Variants in MITF observed in about 807,000 individuals in gnomAD.
MITF encodes the protein microphthalmia-associated transcription factor.
MITF carries 17 observed loss-of-function variants against 60.5 expected under a neutral mutation model. The ratio of observed to expected loss-of-function variants is 0.28; its 90% CI spans 0.19 to 0.42. The LOEUF (loss-of-function observed/expected upper bound fraction) is 0.42. Among genes scored for constraint, MITF ranks in the 10% least tolerant of loss-of-function variants. The pLI is 1.00. For synonymous variants in MITF, 260 were observed against 248.5 expected, an observed-to-expected ratio of 1.05 and a Z score of -0.43; for missense variants, 622 against 683.5, an observed-to-expected ratio of 0.91 and a Z score of 1.00.
chr3:69,751,351 A>G (rs1050458082), intron 1 of MITF, among the ~76,000 whole-genome samples: 1 of 152,142 alleles, frequency 6.6e-6, no homozygotes, highest in South Asian at 2.1e-4. Flanking sequence ...ACAAATGAGG[A>G]TGTCCTGACA....
At chr3:69,812,873 C>T (rs2063122396) in intron 1 of MITF, among the ~76,000 whole-genome samples, 1 of 152,084 alleles carries the variant, frequency 6.6e-6, no homozygotes, top group Non-Finnish European at 1.5e-5. Context: ...GAAAGGTTTA[C>T]AATTGGAAAG....
chr3:69,748,756 A>G (rs1703822921), intron 1 of MITF, among the ~76,000 whole-genome samples: 1 of 152,106 alleles, frequency 6.6e-6, no homozygotes, highest in African/African-American at 2.4e-5. Context: ...ACACACATTC[A>G]TCAGTTTTCC....
chr3:69,935,431 T>C (rs908299446), intron 2 of MITF, among the ~76,000 whole-genome samples: 9 of 152,212 alleles, frequency 5.9e-5, no homozygotes, highest in Admixed American at 5.9e-4. Flanking sequence ...TTAAGTGTAA[T>C]AGTGAAATAA....
At chr3:69,855,963 T>G (rs1346723559) in intron 1 of MITF, among the ~76,000 whole-genome samples, 1 of 152,184 alleles carries the variant, frequency 6.6e-6, no homozygotes, top group African/African-American at 2.4e-5. Context: ...TCAGTCCTAC[T>G]TGGCCAGCTT....
chr3:69,916,888 G>A (rs1307093036), intron 2 of MITF, among the ~76,000 whole-genome samples: 13 of 152,150 alleles, frequency 8.5e-5, no homozygotes, highest in Admixed American at 8.5e-4. Flanking sequence ...ACACATCATG[G>A]TGTATTAGTT....
chr3:69,867,692 TCTAA>T (rs1407877866), intron 1 of MITF, among the ~76,000 whole-genome samples: 3 of 150,570 alleles, frequency 2.0e-5, no homozygotes, highest in Non-Finnish European at 4.4e-5. Flanking sequence ...AAAAATATAC[TCTAA>T]CTTACTAATT....
chr3:69,849,927 C>G (rs952196377), intron 1 of MITF, among the ~76,000 whole-genome samples: 2 of 152,154 alleles, frequency 1.3e-5, no homozygotes, highest in Admixed American at 1.3e-4. Flanking sequence ...TTATCTTAAT[C>G]AAAACTCCAT....
chr3:69,920,245 G>A (rs1384662014), intron 2 of MITF, among the ~76,000 whole-genome samples: 2 of 152,222 alleles, frequency 1.3e-5, no homozygotes, highest in South Asian at 2.1e-4. Context: ...AGGCGGACCC[G>A]TGGTCTAGCG....
At chr3:69,886,655 A>G (rs1193459537) in intron 2 of MITF, among the ~76,000 whole-genome samples, 1 of 152,106 alleles carries the variant, frequency 6.6e-6, no homozygotes. Context: ...TTGAATTAGT[A>G]AGGGGCTTCC....
At chr3:69,954,098 T>A (rs1576041810) in intron 7 of MITF, among the ~76,000 whole-genome samples, 1 of 152,122 alleles carries the variant, frequency 6.6e-6, no homozygotes, top group East Asian at 1.9e-4. Flanking sequence ...TTCTAATAAA[T>A]GATTGGAAAG....
intron 2 of MITF, among the ~76,000 whole-genome samples, chr3:69,912,234 G>A (rs1019078524): frequency 3.3e-5 from 5 of 152,234 alleles, no homozygotes; most frequent in African/African-American, 1.2e-4. Flanking sequence ...TGGATTGGAT[G>A]ACTACACATC....
chr3:69,952,717 G>C (rs779517907), intron 7 of MITF, among the ~76,000 whole-genome samples: 3 of 152,050 alleles, frequency 2.0e-5, no homozygotes, highest in Admixed American at 2.0e-4. Context: ...TGTGTATTAA[G>C]AATATAGACA....
chr3:69,842,324 A>T (rs987144322), intron 1 of MITF, among the ~76,000 whole-genome samples: 2 of 152,216 alleles, frequency 1.3e-5, no homozygotes, highest in Admixed American at 6.5e-5. Context: ...AAAAGAAAAG[A>T]TAGGAAGCTA....
chr3:69,764,176 T>G (rs1004854062), intron 1 of MITF, among the ~76,000 whole-genome samples: 1 of 152,202 alleles, frequency 6.6e-6, no homozygotes, highest in Non-Finnish European at 1.5e-5. Context: ...CTTTTCCACT[T>G]TTTATGTTAT....
In MITF at chr3:69,881,722, A is replaced by G. The variant is rs566367815; in HGVS notation, c.354+2339A>G. ...AGTGGTTAATAGCAAAACAGTTAAT[A>G]TGCTTAATCTTGGACCATTTATTTC... On this transcript the variant is annotated intron_variant, in intron 2 of 9. Coordinates refer to ENST00000352241, the MANE Select transcript of MITF (RefSeq NM_001354604.2). Among the ~76,000 whole-genome samples, 16 of 152,202 alleles carry G rather than the reference A, an allele frequency of 1.1e-4. No homozygotes were observed. In the East Asian group the frequency reaches 2.9e-3, roughly 27 times the overall value.
intron 9 of MITF, among the ~76,000 whole-genome samples, chr3:69,962,485 A>T (rs2066575166): frequency 6.6e-6 from 1 of 152,230 alleles, no homozygotes. Flanking sequence ...AAAACCTTGA[A>T]TTTAGACTGA....
intron 2 of MITF, among the ~76,000 whole-genome samples, chr3:69,910,248 T>C (rs764238768): frequency 6.6e-6 from 1 of 152,192 alleles, no homozygotes; most frequent in Non-Finnish European, 1.5e-5. Flanking sequence ...AAGTCAGGAA[T>C]TGAGGTTTGG....
At chr3:69,883,867 T>C (rs1298638210) in intron 2 of MITF, among the ~76,000 whole-genome samples, 1 of 152,180 alleles carries the variant, frequency 6.6e-6, no homozygotes, top group Non-Finnish European at 1.5e-5. Context: ...CCCTTGTAGT[T>C]TGACTTACAC....
At chr3:69,874,663 A>G (rs1329646705) in intron 1 of MITF, among the ~76,000 whole-genome samples, 1 of 152,204 alleles carries the variant, frequency 6.6e-6, no homozygotes, top group Non-Finnish European at 1.5e-5. Context: ...TAGCGTCTCT[A>G]GGTTTCTACT....
Sources: allele counts gnomAD v4.1 joint callset (sites outside exome capture counted in the v4.1 genomes callset), GRCh38; gene constraint gnomAD v4.1.1; transcripts MANE v1.5; gene names NCBI Gene and HGNC (gene_info 2026-07-23, HGNC 2026-07-21).